The following NRG3 variants were observed in gnomAD, a reference collection of about 807,000 sequenced individuals.
NRG3 encodes the protein neuregulin 3.
Under a neutral mutation model 66.9 loss-of-function variants are expected in NRG3, and 31 were observed. That is an observed-to-expected ratio of 0.46 (90% CI 0.35 to 0.63). NRG3 has a LOEUF of 0.63. NRG3 is among the 20% of genes least tolerant of loss of function. The pLI, the probability that NRG3 is intolerant of heterozygous loss-of-function variation, is 0.00. For synonymous variants in NRG3, 393 were observed against 359.4 expected (o/e 1.09, Z -1.06); for missense variants, 910 against 878.9 (o/e 1.04, Z -0.45).
In NRG3 at chr10:82,644,225, C is replaced by T. The variant is rs558352687; in HGVS notation, c.954-94352C>T. ...ACCCCACTTTCAGAGGTACCTGATT[C>T]CTTCAATCCCTGATTCTTTCCAGCA... On this transcript the variant is annotated intron_variant, in intron 2 of 8. Coordinates refer to ENST00000372141, the MANE Select transcript of NRG3 (RefSeq NM_001010848.4). 2.6e-5 allele frequency among the ~76,000 whole-genome samples: 4 copies of T among 152,204 alleles called. No individual in the cohort carries two copies. The East Asian group carries it at 7.8e-4, about 30-fold the overall frequency.
At chr10:82,662,743 G>A (rs901659243) in intron 2 of NRG3, among the ~76,000 whole-genome samples, 8 of 152,284 alleles carry the variant, frequency 5.3e-5, no homozygotes, top group Middle Eastern at 3.4e-3. Flanking sequence ...GACCAAAAAA[G>A]CTTGGGCAGG....
At chr10:82,649,407 G>A (rs573807119) in intron 2 of NRG3, among the ~76,000 whole-genome samples, 1 of 146,414 alleles carries the variant, frequency 6.8e-6, no homozygotes, top group East Asian at 2.1e-4. Flanking sequence ...ACAAGCTTTT[G>A]ACTGGAACAA....
intron 1 of NRG3, among the ~76,000 whole-genome samples, chr10:82,346,356 C>A (rs1329575149): frequency 1.4e-5 from 2 of 146,388 alleles, no homozygotes; most frequent in Admixed American, 1.3e-4. Flanking sequence ...TGTTTATATG[C>A]TCGATTATAT....
At chr10:82,120,034 A>T (rs898509389) in intron 1 of NRG3, among the ~76,000 whole-genome samples, 3 of 152,172 alleles carry the variant, frequency 2.0e-5, no homozygotes, top group African/African-American at 7.2e-5. Context: ...AAATAAATGA[A>T]GAATTTTAAT....
intron 2 of NRG3, among the ~76,000 whole-genome samples, chr10:82,524,996 G>A (rs1020824253): frequency 1.3e-5 from 2 of 151,868 alleles, no homozygotes; most frequent in African/African-American, 4.8e-5. Flanking sequence ...ATGTTAGAAA[G>A]AGCCAATAAG....
Position 82,202,747 on chromosome 10 carries a change from G to T in NRG3, c.824-155992G>T, listed in dbSNP as rs74146515. Among the ~76,000 whole-genome samples the T allele has an allele frequency of 8.2e-3, 1,247 of 152,232 alleles. 15 individuals are homozygous for T. The highest frequency in any genetic ancestry group is 0.028 in the African/African-American group (1,183 of 41,544). On this transcript the variant is annotated intron_variant, in intron 1 of 8. Transcript: ENST00000372141. ...AGACCCCTGTTGAGGTTTTTTTTGT[G>T]TGTGTTGTTGTTTGTTTGTTTTTTA...
rs146932251 is a variant in NRG3 at position 82,091,219 on chromosome 10, A to T, written c.823+215056A>T. ...TCCATTGATCGGTAGTCTTAGATACATTCACAATGTCGCGTAACTATTATC... is the reference window on the plus strand; with the variant it reads ...TCCATTGATCGGTAGTCTTAGATACTTTCACAATGTCGCGTAACTATTATC... On this transcript the variant is annotated intron_variant, in intron 1 of 8. Transcript: ENST00000372141. Among the ~76,000 whole-genome samples the T allele has an allele frequency of 2.6e-5, 4 of 152,300 alleles. No homozygotes were observed. The East Asian group carries it at 5.8e-4, about 22-fold the overall frequency.
At chr10:81,960,359 T>C (rs1013377543) in intron 1 of NRG3, among the ~76,000 whole-genome samples, 3 of 152,202 alleles carry the variant, frequency 2.0e-5, no homozygotes, top group African/African-American at 7.2e-5. Context: ...TTTTAGGATG[T>C]AGTAACTTAA....
intron 2 of NRG3, among the ~76,000 whole-genome samples, chr10:82,362,364 TGTGTGTGTGTGTG>T (rs1443054980): frequency 1.3e-5 from 2 of 149,520 alleles, no homozygotes; most frequent in African/African-American, 4.9e-5. Context: ...TGTGTGTGTG[TGTGTGTGTGTGTG>T]TATTTTATTT....
At chr10:82,209,461 A>G (rs899663233) in intron 1 of NRG3, among the ~76,000 whole-genome samples, 1 of 152,214 alleles carries the variant, frequency 6.6e-6, no homozygotes, top group Admixed American at 6.5e-5. Context: ...TCATCTATGT[A>G]TAAGTAGAAT....
intron 1 of NRG3, among the ~76,000 whole-genome samples, chr10:82,234,404 T>C (rs999903621): frequency 1.3e-5 from 2 of 152,220 alleles, no homozygotes; most frequent in Non-Finnish European, 2.9e-5. Flanking sequence ...AAGCAGCTGA[T>C]CACAGTTGCG....
At chr10:82,012,957 A>T (rs2061640761) in intron 1 of NRG3, among the ~76,000 whole-genome samples, 1 of 152,002 alleles carries the variant, frequency 6.6e-6, no homozygotes, top group Non-Finnish European at 1.5e-5. Flanking sequence ...AGCCAACTAA[A>T]CTGTTCCAAA....
intron 1 of NRG3, among the ~76,000 whole-genome samples, chr10:82,170,443 G>A (rs2133085274): frequency 6.6e-6 from 1 of 151,628 alleles, no homozygotes; most frequent in African/African-American, 2.4e-5. Context: ...GTATTCCCTT[G>A]AACTTAATAT....
chr10:82,287,164 G>A (rs1404601108), intron 1 of NRG3, among the ~76,000 whole-genome samples: 1 of 152,036 alleles, frequency 6.6e-6, no homozygotes, highest in East Asian at 2.0e-4. Flanking sequence ...GTGGGGCCTG[G>A]TGAGGGGTGT....
chr10:82,679,444 T>G (rs2134108093), intron 2 of NRG3, among the ~76,000 whole-genome samples: 1 of 152,172 alleles, frequency 6.6e-6, no homozygotes, highest in African/African-American at 2.4e-5. Context: ...TAAAGGAATA[T>G]AATAATATAA....
intron 3 of NRG3, among the ~76,000 whole-genome samples, chr10:82,852,332 T>C (rs1032322177): frequency 6.6e-6 from 1 of 151,888 alleles, no homozygotes; most frequent in African/African-American, 2.4e-5. Flanking sequence ...GTAGGACAAA[T>C]ACCTAATGCA....
At chr10:82,371,934 C>A (rs1259552434) in intron 2 of NRG3, among the ~76,000 whole-genome samples, 1 of 152,144 alleles carries the variant, frequency 6.6e-6, no homozygotes, top group East Asian at 1.9e-4. Context: ...GACTCAAATA[C>A]CTCCCAATAG....
chr10:82,589,935 TA>T (rs2133296696), intron 2 of NRG3, among the ~76,000 whole-genome samples: 1 of 152,354 alleles, frequency 6.6e-6, no homozygotes, highest in South Asian at 2.1e-4. Context: ...GTTTAGGATG[TA>T]TAATAGTTTG....
At chr10:82,190,824 C>A (rs966084265) in intron 1 of NRG3, among the ~76,000 whole-genome samples, 1 of 152,198 alleles carries the variant, frequency 6.6e-6, no homozygotes, top group Admixed American at 6.5e-5. Context: ...TTCCTCCCAA[C>A]TGTATTTCCT....
Sources: gnomAD v4.1 joint callset for allele counts (sites outside exome capture counted in the v4.1 genomes callset) on GRCh38, gnomAD v4.1.1 for gene constraint, MANE v1.5 for transcripts, NCBI Gene and HGNC (gene_info 2026-07-23, HGNC 2026-07-21) for gene names.